KIF24: variants seen among roughly 807,000 people sequenced by gnomAD.
The protein encoded by KIF24 is kinesin family member 24.
Under a neutral mutation model 118.9 loss-of-function variants are expected in KIF24, and 81 were observed. The observed-to-expected ratio is 0.68, with a 90% CI of 0.57 to 0.82. KIF24 has a LOEUF of 0.82. Among genes scored for constraint, KIF24 ranks in the 40% least tolerant of loss-of-function variants. KIF24 has a pLI of 0.00. For synonymous variants in KIF24, 599 were observed against 610.0 expected, an observed-to-expected ratio of 0.98 and a Z score of 0.27; for missense variants, 1,560 against 1,661.6, an observed-to-expected ratio of 0.94 and a Z score of 1.06.
In KIF24 at chr9:34,252,497, GAAC is replaced by G. The variant is rs1834627117; in HGVS notation, c.*1880_*1882del. ...ACTAACTATTTTGATTCTTCAGAGA[GAAC>G]TACTAATAAAAATCTAAAAGGTATG... is the stretch of plus-strand genomic sequence containing the variant. On this transcript the variant is annotated 3_prime_UTR_variant, in exon 13 of 13. Transcript: ENST00000402558. 1.3e-5 allele frequency: 2 copies of G among 152,492 alleles called. No individual in the cohort carries two copies. The highest frequency in any genetic ancestry group is 4.8e-5 in the African/African-American group (2 of 41,396). 9.4% of individuals were successfully genotyped at this position (152,492 alleles called of 1,614,324 possible). A position where few individuals can be genotyped will look rare whatever the true frequency, so the allele number is the denominator to read the frequency against.
intron 1 of KIF24, chr9:34,319,622 GC>G (rs1419321649): frequency 2.2e-6 from 2 of 895,842 alleles, no homozygotes; most frequent in Admixed American, 1.8e-5. Flanking sequence ...ACCTGGTCCG[GC>G]CTAAGGTTGA....
Position 34,318,375 on chromosome 9 carries a change from T to A in KIF24, c.-25-7004A>T, listed in dbSNP as rs1837397272. The A allele has an allele frequency of 6.3e-5, 28 of 441,794 alleles. No individual in the cohort carries two copies. Among genetic ancestry groups the A allele is most frequent in the Middle Eastern group, 6.9e-4 (1 of 1,454 alleles). The allele number at this position is 441,794 out of a possible 1,614,324, so 27.4% of individuals were successfully genotyped here. A position where few individuals can be genotyped will look rare whatever the true frequency, so the allele number is the denominator to read the frequency against. On this transcript the variant is annotated intron_variant, in intron 1 of 12. Coordinates refer to ENST00000402558, the MANE Select transcript of KIF24 (RefSeq NM_194313.4). The surrounding 1 kb of genome is among the most constrained non-coding windows in gnomAD (Gnocchi z 4.9). ...GCTTGACCTAGCCCTGACAGGTCCA[T>A]CGTGGTGCACGCAAACCACCTCCCA...
intron 6 of KIF24, among the ~76,000 whole-genome samples, chr9:34,280,478 A>T (rs574978657): frequency 1.3e-4 from 20 of 152,132 alleles, no homozygotes; most frequent in South Asian, 1.2e-3. Context: ...GACCAGACTC[A>T]CCTGATGCTC....
intron 6 of KIF24, among the ~76,000 whole-genome samples, chr9:34,276,486 CAT>C (rs1835667239): frequency 6.7e-6 from 1 of 149,878 alleles, no homozygotes; most frequent in Non-Finnish European, 1.5e-5. Flanking sequence ...TCATATTGAA[CAT>C]AGTCACAGTT....
At chr9:34,332,874 C>A (rs7866639), upstream of KIF24, among the ~76,000 whole-genome samples, 4,671 of 152,132 alleles carry the variant, frequency 0.031, 239 homozygotes, top group African/African-American at 0.11. Flanking sequence ...ATTGTTCTTA[C>A]AAGAAAGAGC....
intron 10 of KIF24, among the ~76,000 whole-genome samples, chr9:34,259,358 A>G (rs188115845): frequency 1.3e-5 from 2 of 152,308 alleles, no homozygotes; most frequent in East Asian, 3.9e-4. Flanking sequence ...GGAATGTGTC[A>G]TTTTCCTCTT....
chr9:34,262,675 A>AATATATATATATAT (rs1428160924), intron 9 of KIF24, among the ~76,000 whole-genome samples: 19 of 27,058 alleles, frequency 7.0e-4, no homozygotes, highest in African/African-American at 1.1e-3. Context: ...AAAAAAAAAA[A>AATATATATATATAT]ATATATATAT....
At chr9:34,294,767 T>C (rs993680564) in intron 4 of KIF24, among the ~76,000 whole-genome samples, 2 of 152,210 alleles carry the variant, frequency 1.3e-5, no homozygotes, top group African/African-American at 2.4e-5. Flanking sequence ...ATAATGATTC[T>C]ATCTCTATGA....
At chr9:34,328,009 A>G (rs1463394448) in intron 1 of KIF24, among the ~76,000 whole-genome samples, 1 of 152,136 alleles carries the variant, frequency 6.6e-6, no homozygotes, top group Non-Finnish European at 1.5e-5. Flanking sequence ...ACAAGAACAT[A>G]GCTGCTGTAC....
chr9:34,301,864 T>C (rs113869216), intron 3 of KIF24, among the ~76,000 whole-genome samples: 3 of 151,720 alleles, frequency 2.0e-5, no homozygotes, highest in East Asian at 1.9e-4. Context: ...AAAATTACAA[T>C]AGAGAACAAA....
chr9:34,262,663 A>ATATATATATGTAT (rs1835109144), intron 9 of KIF24, among the ~76,000 whole-genome samples: 2 of 43,262 alleles, frequency 4.6e-5, no homozygotes, highest in Non-Finnish European at 8.8e-5. Context: ...AAAAAAAAAA[A>ATATATATATGTAT]AAAAAAAAAA....
chr9:34,259,943 TAA>T (rs1834994494), intron 9 of KIF24, among the ~76,000 whole-genome samples: 1 of 152,180 alleles, frequency 6.6e-6, no homozygotes, highest in Non-Finnish European at 1.5e-5. Flanking sequence ...CTCATTAGAT[TAA>T]GAGACTAACG....
intron 1 of KIF24, among the ~76,000 whole-genome samples, chr9:34,311,702 ATATATACG>A (rs1837162487): frequency 6.8e-6 from 1 of 146,108 alleles, no homozygotes; most frequent in African/African-American, 2.5e-5. Flanking sequence ...ATATATGTAC[ATATATACG>A]TATATATGTA....
chr9:34,278,439 C>T (rs1020125237), intron 6 of KIF24, among the ~76,000 whole-genome samples: 27 of 152,050 alleles, frequency 1.8e-4, no homozygotes, highest in Admixed American at 1.2e-3. Context: ...AAGATACTAA[C>T]GAACTAACAT....
intron 2 of KIF24, among the ~76,000 whole-genome samples, chr9:34,307,860 GA>G (rs57149308): frequency 0.22 from 25,213 of 113,726 alleles, 2,512 homozygotes; most frequent in East Asian, 0.57. Context: ...GACTCTGTCT[GA>G]AAAAAAAAAA....
chr9:34,332,302 A>T (rs1379485749), upstream of KIF24, among the ~76,000 whole-genome samples: 1 of 152,134 alleles, frequency 6.6e-6, no homozygotes, highest in African/African-American at 2.4e-5. Context: ...TAAACTAGTG[A>T]CCCATCAGAA....
At chr9:34,263,660 G>A (rs1408393549) in intron 8 of KIF24, among the ~76,000 whole-genome samples, 4 of 151,976 alleles carry the variant, frequency 2.6e-5, no homozygotes, top group Admixed American at 1.3e-4. Context: ...TGGGGTAGGA[G>A]AAATTCTAGA....
chr9:34,311,936 T>C (rs539490097), intron 1 of KIF24, among the ~76,000 whole-genome samples: 1 of 152,186 alleles, frequency 6.6e-6, no homozygotes, highest in South Asian at 2.1e-4. Context: ...CAACTGATTG[T>C]AGCAGGACTA....
chr9:34,296,218 C>CA (rs575004699), intron 4 of KIF24, among the ~76,000 whole-genome samples: 1,134 of 51,726 alleles, frequency 0.022, 20 homozygotes, highest in African/African-American at 0.047. Context: ...GACTCTGTCT[C>CA]AAAAAAAAAA....
Sources: gnomAD v4.1 joint callset for allele counts (sites outside exome capture counted in the v4.1 genomes callset) on GRCh38, gnomAD v4.1.1 for gene constraint, Gnocchi (gnomAD v3.1) non-coding constraint, MANE v1.5 for transcripts, NCBI Gene and HGNC (gene_info 2026-07-23, HGNC 2026-07-21) for gene names.